The following SETD2 variants were observed in gnomAD, a reference collection of about 807,000 sequenced individuals.
SETD2 encodes SET domain containing 2, histone lysine methyltransferase.
Under a neutral mutation model 242.1 loss-of-function variants are expected in SETD2, and 31 were observed. That is an observed-to-expected ratio of 0.13 (90% CI 0.10 to 0.17). The LOEUF (loss-of-function observed/expected upper bound fraction) is 0.17, where lower values mean the gene tolerates loss of function less well. Among genes scored for constraint, SETD2 ranks in the 10% least tolerant of loss-of-function variants. The pLI is 1.00. For synonymous variants in SETD2, 1,006 were observed against 1,066.5 expected (o/e 0.94, Z 1.11); for missense variants, 2,481 against 3,046.3 (o/e 0.81, Z 4.37).
chr3:47,104,479 G>A (rs1163069970), intron 6 of SETD2, among the ~76,000 whole-genome samples: 1 of 151,962 alleles, frequency 6.6e-6, no homozygotes, highest in East Asian at 1.9e-4. Context: ...GTTCAAGGCT[G>A]CTGTAAGCTA....
At chr3:47,103,555 G>T in intron 6 of SETD2, 132 bp from the exon 7 acceptor site, 2 of 645,938 alleles carry the variant, frequency 3.1e-6, no homozygotes, top group Non-Finnish European at 5.3e-6. Flanking sequence ...ACCAGTTAAG[G>T]TAGGGCAGTG....
rs2106719824 is a variant in SETD2, at chr3:47,124,093, T to G, written c.543A>C (p.Thr181=). ...GAGATGAGGGCGGTGAGTCTACAGTTGTTGATTCTGCTATCACTGCTGGTA... is the reference window on the plus strand; with the variant it reads ...GAGATGAGGGCGGTGAGTCTACAGTGGTTGATTCTGCTATCACTGCTGGTA... ...APLPAVIAES[T]TVDSPPSSPP... The change falls in exon 3 of 21, where the codon ACA becomes ACC. Residue 181 remains threonine (T), a synonymous_variant. Transcript: ENST00000409792. The G allele has an allele frequency of 6.4e-7, 1 of 1,551,866 alleles. No individual in the cohort carries two copies. Among genetic ancestry groups the G allele is most frequent in the Admixed American group, 2.0e-5 (1 of 50,992 alleles).
At position 47,133,778 on chromosome 3, in the gene SETD2, G is replaced by C. The variant is rs145937803; in HGVS notation, c.72-7115C>G. 4.4e-3 allele frequency among the ~76,000 whole-genome samples: 662 copies of C among 152,026 alleles called. 8 individuals are homozygous for C. Among genetic ancestry groups the C allele is most frequent in the African/African-American group, 0.015 (630 of 41,446 alleles). Reference sequence around the variant, plus strand: ...CCTTGGAAATCCTAGAGCCTCAGCTGGAAAAACATTACCTCAAATCTTCCT... The same window carrying C: ...CCTTGGAAATCCTAGAGCCTCAGCTCGAAAAACATTACCTCAAATCTTCCT... On this transcript the variant is annotated intron_variant, in intron 1 of 20. Coordinates refer to ENST00000409792, the MANE Select transcript of SETD2 (RefSeq NM_014159.7).
Position 47,122,068 on chromosome 3 carries a change from G to T in SETD2, c.2568C>A (p.Ile856=), listed in dbSNP as rs775705122. Residue 856 remains isoleucine, a synonymous_variant, in exon 3 of 21, where the codon ATC becomes ATA. Coordinates refer to ENST00000409792, the MANE Select transcript of SETD2 (RefSeq NM_014159.7). ...KFACEEYKQS[I]GSTSSASVNH... The stretch of plus-strand genomic sequence containing the variant: ...TAACAGAAGCTGAACTAGTGCTACC[G>T]ATGCTCTGCTTATATTCTTCACATG... 3.8e-5 allele frequency: 61 copies of T among 1,613,672 alleles called. No homozygotes were observed. Among genetic ancestry groups the T allele is most frequent in the Middle Eastern group, 1.6e-4 (1 of 6,084 alleles).
At position 47,051,977 on chromosome 3, in the gene SETD2, G is replaced by A. The variant is rs934905710; in HGVS notation, c.6963+4844C>T. The stretch of plus-strand genomic sequence containing the variant: ...TTTAGAAGAACACTTCCAAATGTTG[G>A]CTGGGAGATAACAACAGCAGTATCT... On this transcript the variant is annotated intron_variant, in intron 15 of 20. Transcript: ENST00000409792. Among the ~76,000 whole-genome samples, 126 of 152,236 alleles carry A rather than the reference G, an allele frequency of 8.3e-4. 1 individual carries two copies. Among genetic ancestry groups the A allele is most frequent in the African/African-American group, 2.9e-3 (119 of 41,548 alleles).
At chr3:47,059,187 G>T (rs146546727) in intron 14 of SETD2, among the ~76,000 whole-genome samples, 117 of 141,728 alleles carry the variant, frequency 8.3e-4, no homozygotes, top group African/African-American at 3.0e-3. Context: ...TGTGATATCA[G>T]CTCACTGCAA....
At position 47,122,294 on chromosome 3, in the gene SETD2, G is replaced by A. The variant is rs1313153861; in HGVS notation, c.2342C>T (p.Thr781Met). The A allele has an allele frequency of 1.8e-5, 29 of 1,613,940 alleles. No individual in the cohort carries two copies. The highest frequency in any genetic ancestry group is 7.7e-5 in the South Asian group (7 of 91,090). Residue 781 changes from threonine (T) to methionine (M), a missense_variant, in exon 3 of 21, where the codon ACG becomes ATG. Transcript: ENST00000409792. ...TTTGGTTTTGCAGCAAGAAACCCTC[G>A]TATCAACTGGTTCTTTAACTACTGT... is the stretch of plus-strand genomic sequence containing the variant. ...SKTVVKEPVDTRVSCCKTKDS... is the reference protein window; with the variant it reads ...SKTVVKEPVDMRVSCCKTKDS...
intron 1 of SETD2, among the ~76,000 whole-genome samples, chr3:47,129,305 T>C (rs940238072): frequency 1.3e-5 from 2 of 152,230 alleles, no homozygotes; most frequent in Non-Finnish European, 2.9e-5. Context: ...GCATTTAGTG[T>C]TAATAGATAA....
intron 15 of SETD2, among the ~76,000 whole-genome samples, chr3:47,050,785 C>T (rs1473342368): frequency 7.9e-6 from 1 of 126,626 alleles, no homozygotes; most frequent in Non-Finnish European, 1.5e-5. Context: ...GGCGGAAGTG[C>T]AGTGGCGCAA....
intron 8 of SETD2, 60 bp from the exon 9 acceptor site, chr3:47,098,141 G>A (rs2107675307): frequency 6.3e-7 from 1 of 1,577,670 alleles, no homozygotes; most frequent in South Asian, 1.1e-5. Flanking sequence ...CAAAACTGTT[G>A]GCAATACACA....
chr3:47,057,999 A>T (rs2040151594), intron 14 of SETD2, among the ~76,000 whole-genome samples: 2 of 151,998 alleles, frequency 1.3e-5, no homozygotes, highest in South Asian at 4.2e-4. Context: ...CCTCATAAAA[A>T]CATACAGCAG....
intron 19 of SETD2, among the ~76,000 whole-genome samples, chr3:47,018,317 T>C (rs907005988): frequency 1.3e-5 from 2 of 152,178 alleles, no homozygotes; most frequent in Non-Finnish European, 2.9e-5. Context: ...TGTCTAAGTA[T>C]GGTCTGTCCT....
chr3:47,047,678 C>T (rs2039591771), intron 15 of SETD2, among the ~76,000 whole-genome samples: 1 of 152,186 alleles, frequency 6.6e-6, no homozygotes, highest in Admixed American at 6.5e-5. Context: ...GAAAAGAACA[C>T]TTAATTTGGT....
chr3:47,142,264 T>C (rs2043747435), intron 1 of SETD2, among the ~76,000 whole-genome samples: 1 of 152,150 alleles, frequency 6.6e-6, no homozygotes, highest in Non-Finnish European at 1.5e-5. Context: ...TCCCAGCACT[T>C]TGGGAGGCTG....
chr3:47,094,262 T>G (rs1157216483), intron 9 of SETD2, among the ~76,000 whole-genome samples: 1 of 152,204 alleles, frequency 6.6e-6, no homozygotes, highest in Non-Finnish European at 1.5e-5. Context: ...AGTAAGTACT[T>G]AAGTACCCAG....
Position 47,056,918 on chromosome 3 carries a change from G to A in SETD2, c.6866C>T (p.Ala2289Val). 1 of 1,614,158 alleles carries A rather than the reference G, an allele frequency of 6.2e-7. No homozygotes were observed. Among genetic ancestry groups the A allele is most frequent in the Non-Finnish European group, 8.5e-7 (1 of 1,179,960 alleles). ...SVSVQQQYSP[A>V]QSQATIYYQG... The stretch of plus-strand genomic sequence containing the variant: ...ATAATATATGGTTGCTTGAGACTGT[G>A]CAGGAGAGTACTGCTGCTGTACACT... Residue 2289 changes from alanine (A) to valine (V), a missense_variant, in exon 15 of 21, where the codon GCA (alanine) becomes GTA (valine). Coordinates refer to ENST00000409792, the MANE Select transcript of SETD2 (RefSeq NM_014159.7).
rs370861523 is a variant in SETD2 at position 47,086,331 on chromosome 3, G to A, written c.5278-17C>T. On this transcript the variant is annotated splice_polypyrimidine_tract_variant and intron_variant, in intron 10 of 20. Coordinates refer to ENST00000409792, the MANE Select transcript of SETD2 (RefSeq NM_014159.7). Reference sequence around the variant, plus strand: ...GTGTGTGTTCTTTCATGGGGGAAGGGAGACACGATGCAGAGCATTGGGAGG... The same window carrying A: ...GTGTGTGTTCTTTCATGGGGGAAGGAAGACACGATGCAGAGCATTGGGAGG... 1.2e-6 allele frequency: 2 copies of A among 1,609,378 alleles called. No individual in the cohort carries two copies. Among genetic ancestry groups the A allele is most frequent in the South Asian group, 1.1e-5 (1 of 90,912 alleles).
intron 12 of SETD2, among the ~76,000 whole-genome samples, chr3:47,067,853 C>T (rs1451916585): frequency 6.6e-6 from 1 of 152,122 alleles, no homozygotes; most frequent in Admixed American, 6.6e-5. Flanking sequence ...TCTATAAATG[C>T]AAAACCAACA....
At chr3:47,135,535 C>T (rs1382443496) in intron 1 of SETD2, among the ~76,000 whole-genome samples, 1 of 152,236 alleles carries the variant, frequency 6.6e-6, no homozygotes, top group African/African-American at 2.4e-5. Context: ...CCTTGGCCTC[C>T]CAAGTGTTGG....
Sources: gnomAD v4.1 joint callset for allele counts (sites outside exome capture counted in the v4.1 genomes callset) on GRCh38, gnomAD v4.1.1 for gene constraint, MANE v1.5 for transcripts, NCBI Gene and HGNC (gene_info 2026-07-23, HGNC 2026-07-21) for gene names.